PUM3: variants seen among roughly 807,000 people sequenced by gnomAD.
PUM3 encodes the protein pumilio homolog 3.
A neutral mutation model predicts 84.0 loss-of-function variants in PUM3; 91 were observed. The ratio of observed to expected loss-of-function variants is 1.08; its 90% CI spans 0.91 to 1.29. The LOEUF is 1.29. Ranked by LOEUF, PUM3 falls within the 50% of genes most tolerant of loss-of-function variation. The probability of loss-of-function intolerance (pLI) is 0.00; values close to 1 mark genes in which losing one functional copy is unlikely to be tolerated. For missense variants in PUM3, 1,067 were observed against 767.5 expected (o/e 1.39, Z -4.61); for synonymous variants, 321 against 266.7 (o/e 1.20, Z -1.98).
chr9:2,809,849 G>A (rs1821329672), intron 16 of PUM3, among the ~76,000 whole-genome samples: 1 of 152,128 alleles, frequency 6.6e-6, no homozygotes. Context: ...TTACTCTTTG[G>A]TCACATGTAT....
At chr9:2,812,136 G>C in intron 14 of PUM3, 84 bp downstream of exon 14, 1 of 1,163,484 alleles carries the variant, frequency 8.6e-7, no homozygotes, top group Non-Finnish European at 1.3e-6. Flanking sequence ...AGAGGGTATG[G>C]ATGGGTAAGT....
intron 13 of PUM3, among the ~76,000 whole-genome samples, chr9:2,815,025 G>T (rs1466999799): frequency 6.6e-6 from 1 of 152,086 alleles, no homozygotes; most frequent in Non-Finnish European, 1.5e-5. Flanking sequence ...GAGAAACTGG[G>T]ACTTCATGAT....
rs1821390055 is a variant in PUM3 at position 2,812,257 on chromosome 9, T to C, written c.1375A>G (p.Ile459Val). 1 of 1,613,644 alleles carries C rather than the reference T, an allele frequency of 6.2e-7. No individual in the cohort carries two copies. Among genetic ancestry groups the C allele is most frequent in the African/African-American group, 1.3e-5 (1 of 74,930 alleles). ...RDPAHTVREIIEVLQKGDGNA... is the reference protein window; with the variant it reads ...RDPAHTVREIVEVLQKGDGNA... ...CCATCTCCTTTTTGCAGAACTTCAA[T>C]GATTTCTCGTACTGTATGTGCAGGA... The change falls in exon 14 of 18, where the codon ATT (isoleucine) becomes GTT (valine). Residue 459 changes from isoleucine (I) to valine (V), a missense_variant. Coordinates refer to ENST00000397885, the MANE Select transcript of PUM3 (RefSeq NM_014878.5).
chr9:2,812,081 A>G lies in PUM3; in HGVS notation c.1412+139T>C. 6.5e-6 allele frequency: 5 copies of G among 772,778 alleles called. 1 individual carries two copies. In the South Asian group the frequency reaches 8.2e-5, roughly 13 times the overall value. 47.9% of individuals were successfully genotyped at this position (772,778 alleles called of 1,614,324 possible). ...AAGATAAAAACTTTAGAATCTGTCA[A>G]AAATATAGGCTTGAAAATGGAATTC... On this transcript the variant is annotated intron_variant, in intron 14 of 17. Transcript: ENST00000397885.
In PUM3 at chr9:2,812,204, T is replaced by G. The variant is rs1257684696; in HGVS notation, c.1412+16A>C. On this transcript the variant is annotated intron_variant, in intron 14 of 17. Coordinates refer to ENST00000397885, the MANE Select transcript of PUM3 (RefSeq NM_014878.5). ...ACAGAGGAATAAAGAAGTCAAGCCATTCTACTTGGTTTTACCTGTGTGCAT... is the reference window on the plus strand; with the variant it reads ...ACAGAGGAATAAAGAAGTCAAGCCAGTCTACTTGGTTTTACCTGTGTGCAT... 6.2e-7 allele frequency: 1 copy of G among 1,610,734 alleles called. No homozygotes were observed. The highest frequency in any genetic ancestry group is 1.7e-5 in the Admixed American group (1 of 59,950).
At position 2,831,150 on chromosome 9, in the gene PUM3, A is replaced by G. The variant is rs537400019; in HGVS notation, c.610+101T>C. 1.7e-3 allele frequency: 1,770 copies of G among 1,020,990 alleles called. 5 individuals are homozygous for G. The highest frequency in any genetic ancestry group is 2.1e-3 in the Non-Finnish European group (1,382 of 673,470). 63.2% of individuals were successfully genotyped at this position (1,020,990 alleles called of 1,614,324 possible). A position where few individuals can be genotyped will look rare whatever the true frequency, so the allele number is the denominator to read the frequency against. ...ACAAAAAAGGATCTGGAGAAGACAAACCTAAACAAAAATTGTTTTCTAGGA... is the reference window on the plus strand; with the variant it reads ...ACAAAAAAGGATCTGGAGAAGACAAGCCTAAACAAAAATTGTTTTCTAGGA... On this transcript the variant is annotated intron_variant, in intron 6 of 17. Coordinates refer to ENST00000397885, the MANE Select transcript of PUM3 (RefSeq NM_014878.5).
intron 1 of PUM3, among the ~76,000 whole-genome samples, 167 bp downstream of exon 1, chr9:2,843,878 A>G (rs1816335381): frequency 6.6e-6 from 1 of 152,038 alleles, no homozygotes; most frequent in Non-Finnish European, 1.5e-5. Context: ...GCGCCCGGCC[A>G]GTCCCGCCCT....
intron 1 of PUM3, among the ~76,000 whole-genome samples, chr9:2,839,263 C>A (rs1401924127): frequency 6.6e-6 from 1 of 152,192 alleles, no homozygotes; most frequent in Non-Finnish European, 1.5e-5. Flanking sequence ...CCATTTGGCT[C>A]ATTTCTCCAC....
At chr9:2,834,285 A>G (rs772279717) in intron 3 of PUM3, 119 bp from the exon 4 acceptor site, 1 of 806,822 alleles carries the variant, frequency 1.2e-6, no homozygotes, top group Non-Finnish European at 1.9e-6. Context: ...GGAAGCTAAA[A>G]AGGGGAACAT....
chr9:2,836,810 CGTGTGTGTGTGTGT>C (rs145780551), intron 3 of PUM3, among the ~76,000 whole-genome samples: 1 of 150,174 alleles, frequency 6.7e-6, no homozygotes, highest in Non-Finnish European at 1.5e-5. Context: ...TGTGTGTGTG[CGTGTGTGTGTGTGT>C]GTTTTGCCCT....
chr9:2,816,562 T>C (rs1211350120), intron 13 of PUM3, among the ~76,000 whole-genome samples: 1 of 152,330 alleles, frequency 6.6e-6, no homozygotes, highest in Admixed American at 6.5e-5. Context: ...TCTATCGCCA[T>C]GGAGCTCACA....
At chr9:2,814,744 G>T (rs943945054) in intron 13 of PUM3, among the ~76,000 whole-genome samples, 1 of 152,050 alleles carries the variant, frequency 6.6e-6, no homozygotes, top group Non-Finnish European at 1.5e-5. Context: ...ACAAAATTTC[G>T]CTGCCCTTAA....
chr9:2,838,660 A>C (rs1183175717), intron 1 of PUM3, 143 bp from the exon 2 acceptor site: 1 of 577,898 alleles, frequency 1.7e-6, no homozygotes, highest in Non-Finnish European at 3.1e-6. Context: ...ACAAGTACTT[A>C]AATCCAGCAA....
At chr9:2,832,962 C>G (rs926601626) in intron 5 of PUM3, among the ~76,000 whole-genome samples, 1 of 152,062 alleles carries the variant, frequency 6.6e-6, no homozygotes, top group Non-Finnish European at 1.5e-5. Context: ...TTTACAAAAG[C>G]ATGGAGGAAA....
Position 2,833,351 on chromosome 9 carries a change from A to T in PUM3, c.516+6T>A. 1.3e-6 allele frequency: 2 copies of T among 1,525,536 alleles called. No homozygotes were observed. Among genetic ancestry groups the T allele is most frequent in the Non-Finnish European group, 1.8e-6 (2 of 1,103,354 alleles). 94.5% of individuals were successfully genotyped at this position (1,525,536 alleles called of 1,614,324 possible). ...AAAATTGCAACAATGAGTATATGCT[A>T]CTTACAGTTTTAATTTTCCCTTGAA... On this transcript the variant is annotated splice_donor_region_variant and intron_variant, in intron 5 of 17. Coordinates refer to ENST00000397885, the MANE Select transcript of PUM3 (RefSeq NM_014878.5).
chr9:2,824,667 G>A (rs762836119), intron 11 of PUM3, 50 bp downstream of exon 11: 1 of 1,196,072 alleles, frequency 8.4e-7, no homozygotes, highest in Admixed American at 2.7e-5. Context: ...TGCAGATAAA[G>A]CATGGCCCTG....
In PUM3 at chr9:2,807,802, T is replaced by C. The variant is rs1308076621; in HGVS notation, c.1814+12A>G. The C allele has an allele frequency of 1.9e-6, 3 of 1,571,494 alleles. No individual in the cohort carries two copies. The highest frequency in any genetic ancestry group is 2.7e-5 in the African/African-American group (2 of 73,980). On this transcript the variant is annotated intron_variant, in intron 17 of 17. Transcript: ENST00000397885. ...CAGGCCCTGCTCAGAGAAGGGCACA[T>C]GTTATACATACCTAGAAAGAATAAT...
intron 13 of PUM3, among the ~76,000 whole-genome samples, chr9:2,816,579 G>A (rs1278789154): frequency 6.6e-6 from 1 of 152,130 alleles, no homozygotes; most frequent in South Asian, 2.1e-4. Context: ...CACACTGCCA[G>A]GGACTGGAGC....
intron 13 of PUM3, among the ~76,000 whole-genome samples, chr9:2,816,457 T>C (rs1413956232): frequency 1.3e-5 from 2 of 152,202 alleles, no homozygotes; most frequent in Non-Finnish European, 2.9e-5. Context: ...AATGAGCATA[T>C]TTAATACTAC....
Sources: allele counts gnomAD v4.1 joint callset (sites outside exome capture counted in the v4.1 genomes callset), GRCh38; gene constraint gnomAD v4.1.1; transcripts MANE v1.5; gene names NCBI Gene and HGNC (gene_info 2026-07-23, HGNC 2026-07-21).